CSNK1G1: variants seen among roughly 807,000 people sequenced by gnomAD.
CSNK1G1 encodes casein kinase I isoform gamma-1.
Under a neutral mutation model 59.6 loss-of-function variants are expected in CSNK1G1, and 22 were observed. The observed-to-expected ratio is 0.37, with a 90% CI of 0.26 to 0.53. The LOEUF is 0.53. Ranked by LOEUF, CSNK1G1 falls within the 20% of genes least tolerant of loss-of-function variation. CSNK1G1 has a pLI of 0.89. For synonymous variants in CSNK1G1, 179 were observed against 177.1 expected (o/e 1.01, Z -0.08); for missense variants, 384 against 519.5 (o/e 0.74, Z 2.54).
At chr15:64,288,540 C>A (rs1471353321) in intron 2 of CSNK1G1, among the ~76,000 whole-genome samples, 1 of 151,168 alleles carries the variant, frequency 6.6e-6, no homozygotes, top group African/African-American at 2.4e-5. Context: ...TTACATGATA[C>A]TTTATAAAGT....
intron 1 of CSNK1G1, among the ~76,000 whole-genome samples, chr15:64,354,295 ACT>A (rs1483849203): frequency 6.6e-6 from 1 of 152,148 alleles, no homozygotes; most frequent in Non-Finnish European, 1.5e-5. Flanking sequence ...ATAGAGCAAG[ACT>A]CTGTCTCAAA....
At chr15:64,242,406 C>A (rs1213848512) in intron 4 of CSNK1G1, among the ~76,000 whole-genome samples, 2 of 152,114 alleles carry the variant, frequency 1.3e-5, no homozygotes, top group Non-Finnish European at 2.9e-5. Context: ...TTTCCCCCGA[C>A]TCCCAGTCAC....
chr15:64,267,711 A>G (rs1893062292), intron 2 of CSNK1G1, among the ~76,000 whole-genome samples: 1 of 152,206 alleles, frequency 6.6e-6, no homozygotes, highest in Non-Finnish European at 1.5e-5. Context: ...AGGAATGTAG[A>G]TTAGTACAGC....
intron 2 of CSNK1G1, among the ~76,000 whole-genome samples, chr15:64,264,324 G>A (rs916751277): frequency 2.6e-5 from 4 of 152,114 alleles, no homozygotes; most frequent in Non-Finnish European, 4.4e-5. Flanking sequence ...CCAAGATTGA[G>A]TCAGAAGAAA....
chr15:64,263,931 A>G (rs1277601438), intron 2 of CSNK1G1, among the ~76,000 whole-genome samples: 5 of 151,646 alleles, frequency 3.3e-5, no homozygotes, highest in Non-Finnish European at 7.4e-5. Context: ...ATTTATGCAT[A>G]TATTTTTTAC....
At chr15:64,191,000 A>G (rs953963467) in intron 10 of CSNK1G1, among the ~76,000 whole-genome samples, 1 of 152,150 alleles carries the variant, frequency 6.6e-6, no homozygotes, top group Non-Finnish European at 1.5e-5. Context: ...GTTGAGTTCT[A>G]TAATACATAC....
intron 1 of CSNK1G1, among the ~76,000 whole-genome samples, chr15:64,352,447 C>CTTCTT (rs1566958699): frequency 1.1e-4 from 10 of 89,418 alleles, no homozygotes; most frequent in Admixed American, 1.5e-4. Flanking sequence ...TTGAATTCTT[C>CTTCTT]TTTTTTTTTT....
At chr15:64,201,288 AAAG>A in intron 10 of CSNK1G1, among the ~76,000 whole-genome samples, 1 of 148,870 alleles carries the variant, frequency 6.7e-6, no homozygotes, top group Non-Finnish European at 1.5e-5. Context: ...AAAAAAAAAA[AAAG>A]AAAGAAAAAG....
chr15:64,286,399 C>CA (rs1894427080), intron 2 of CSNK1G1, among the ~76,000 whole-genome samples: 1 of 133,708 alleles, frequency 7.5e-6, no homozygotes, highest in African/African-American at 2.8e-5. Flanking sequence ...ATTGTTAACT[C>CA]ATATTGTTAA....
intron 4 of CSNK1G1, among the ~76,000 whole-genome samples, chr15:64,240,940 T>C (rs1434034600): frequency 3.3e-5 from 5 of 152,102 alleles, no homozygotes; most frequent in African/African-American, 1.2e-4. Flanking sequence ...GTTGCGATGA[T>C]TAACAGTAAG....
intron 3 of CSNK1G1, among the ~76,000 whole-genome samples, chr15:64,257,698 A>G (rs1242815950): frequency 2.0e-5 from 3 of 151,942 alleles, no homozygotes; most frequent in Non-Finnish European, 4.4e-5. Context: ...AATTTTTTGT[A>G]TTTTTTGTAG....
Position 64,214,838 on chromosome 15 carries a change from C to T in CSNK1G1, c.445-714G>A, listed in dbSNP as rs1226719502. Among the ~76,000 whole-genome samples, 1 of 151,924 alleles carries T rather than the reference C, an allele frequency of 6.6e-6. No individual in the cohort carries two copies. The highest frequency in any genetic ancestry group is 2.4e-5 in the African/African-American group (1 of 41,316). Reference sequence around the variant, plus strand: ...ATTTTTAGTAGAGACAGGGTTTCACCATGTTGGCCACACTGGTCTCAAACT... The same window carrying T: ...ATTTTTAGTAGAGACAGGGTTTCACTATGTTGGCCACACTGGTCTCAAACT... On this transcript the variant is annotated intron_variant, in intron 5 of 11. Transcript: ENST00000303052. The surrounding 1 kb of genome is among the most constrained non-coding windows in gnomAD (Gnocchi z 4.3).
At chr15:64,283,370 C>A (rs1334096743) in intron 2 of CSNK1G1, among the ~76,000 whole-genome samples, 1 of 151,330 alleles carries the variant, frequency 6.6e-6, no homozygotes, top group Non-Finnish European at 1.5e-5. Flanking sequence ...TGAGACGGAG[C>A]CTCACTCTGT....
intron 3 of CSNK1G1, among the ~76,000 whole-genome samples, chr15:64,254,152 C>G (rs997277952): frequency 4.0e-5 from 6 of 148,154 alleles, no homozygotes; most frequent in African/African-American, 1.5e-4. Context: ...AAAAAACAAA[C>G]AATAAAAAAA....
At chr15:64,333,943 A>G (rs1001599212) in intron 1 of CSNK1G1, among the ~76,000 whole-genome samples, 8 of 152,208 alleles carry the variant, frequency 5.3e-5, no homozygotes, top group Non-Finnish European at 1.0e-4. Context: ...CAGCAACACA[A>G]TAATAATGGG....
chr15:64,342,181 G>A (rs1239236600), intron 1 of CSNK1G1, among the ~76,000 whole-genome samples: 1 of 152,120 alleles, frequency 6.6e-6, no homozygotes, highest in Non-Finnish European at 1.5e-5. Context: ...TTCTTCAAGA[G>A]GCTTTAGAGG....
chr15:64,302,313 C>T lies in CSNK1G1; in HGVS notation c.-224-1590G>A, dbSNP rs1057479545. Among the ~76,000 whole-genome samples the T allele has an allele frequency of 2.6e-5, 4 of 152,190 alleles. No homozygotes were observed. The South Asian group carries it at 8.3e-4, about 32-fold the overall frequency. Reference sequence around the variant, plus strand: ...ACGGGGTTTCACCATGTTGGCCAGGCTGGTCTCGAACTCCTGACTTCAGGT... The same window carrying T: ...ACGGGGTTTCACCATGTTGGCCAGGTTGGTCTCGAACTCCTGACTTCAGGT... On this transcript the variant is annotated intron_variant, in intron 1 of 11. Coordinates refer to ENST00000303052, the MANE Select transcript of CSNK1G1 (RefSeq NM_022048.5).
chr15:64,208,860 A>G (rs573934404), intron 6 of CSNK1G1, among the ~76,000 whole-genome samples: 53 of 151,426 alleles, frequency 3.5e-4, no homozygotes, highest in East Asian at 9.7e-4. Flanking sequence ...GAATTTGCCA[A>G]TTATGGTTTA....
rs750838614 is a variant in CSNK1G1, at chr15:64,207,519, T to C, written c.755A>G (p.Gln252Arg). The C allele has an allele frequency of 1.2e-6, 2 of 1,612,590 alleles. No individual in the cohort carries two copies. The highest frequency in any genetic ancestry group is 2.2e-5 in the East Asian group (1 of 44,868). ...MYFLRGSLPW[Q>R]GLKADTLKER... ...CACTTTCAAGGATACCTTGAGTCCT[T>C]GCCAGGGGAGGCTGCCTCGAAGGAA... Residue 252 changes from glutamine to arginine, a missense_variant, in exon 7 of 12, where the codon CAA (glutamine) becomes CGA (arginine). Transcript: ENST00000303052.
Sources: gnomAD v4.1 joint callset for allele counts (sites outside exome capture counted in the v4.1 genomes callset) on GRCh38, gnomAD v4.1.1 for gene constraint, Gnocchi (gnomAD v3.1) non-coding constraint, MANE v1.5 for transcripts, NCBI Gene and HGNC (gene_info 2026-07-23, HGNC 2026-07-21) for gene names.